The following UFL1 variants were observed in gnomAD, a reference collection of about 807,000 sequenced individuals.
The protein encoded by UFL1 is E3 UFM1-protein ligase 1.
A neutral mutation model predicts 99.3 loss-of-function variants in UFL1; 78 were observed. That is an observed-to-expected ratio of 0.79 (90% CI 0.65 to 0.95). UFL1 has a LOEUF of 0.95. UFL1 is among the 40% of genes least tolerant of loss of function. UFL1 has a pLI of 0.00. For synonymous variants in UFL1, 335 were observed against 322.2 expected (o/e 1.04, Z -0.42); for missense variants, 936 against 937.0 (o/e 1.00, Z 0.01).
Position 96,553,575 on chromosome 6 carries a change from T to G in UFL1, c.*72T>G. 3 of 1,355,300 alleles carry G rather than the reference T, an allele frequency of 2.2e-6. No individual in the cohort carries two copies. Among genetic ancestry groups the G allele is most frequent in the Non-Finnish European group, 3.1e-6 (3 of 980,830 alleles). 84.0% of individuals were successfully genotyped at this position (1,355,300 alleles called of 1,614,324 possible). On this transcript the variant is annotated 3_prime_UTR_variant, in exon 19 of 19. Coordinates refer to ENST00000369278, the MANE Select transcript of UFL1 (RefSeq NM_015323.5). ...TTGAAGGTGAGTGGTCACAAAAAAG[T>G]AGTCACTATACAACTCCCCTCTCCC...
intron 6 of UFL1, 142 bp from the exon 7 acceptor site, chr6:96,534,121 T>G (rs1475200052): frequency 2.3e-5 from 11 of 487,508 alleles, no homozygotes; most frequent in Non-Finnish European, 3.3e-6. Context: ...CAATTAAGGA[T>G]TTAAAATTTG....
At position 96,532,280 on chromosome 6, in the gene UFL1, G is replaced by A. The variant is rs144725797; in HGVS notation, c.597-1983G>A. Among the ~76,000 whole-genome samples, 468 of 152,292 alleles carry A rather than the reference G, an allele frequency of 3.1e-3. 1 individual carries two copies. The highest frequency in any genetic ancestry group is 0.011 in the African/African-American group (443 of 41,560). On this transcript the variant is annotated intron_variant, in intron 6 of 18. Coordinates refer to ENST00000369278, the MANE Select transcript of UFL1 (RefSeq NM_015323.5). ...CAAGGAGCCTTCTACATTTTTGTAA[G>A]GATGTGTTTGCGTAGAAGGGAACAA...
intron 4 of UFL1, 45 bp from the exon 5 acceptor site, chr6:96,526,276 C>T: frequency 2.0e-6 from 3 of 1,489,740 alleles, no homozygotes; most frequent in Non-Finnish European, 1.8e-6. Flanking sequence ...ACAGAAAAAA[C>T]ATTCCTAATT....
In UFL1 at chr6:96,544,476, G is replaced by A. The variant is rs139753113; in HGVS notation, c.1402+1460G>A. ...CTCTTTCACAGAATTCATTACATAC[G>A]GGCTATAGCTGGAAGATGTAGATAT... On this transcript the variant is annotated intron_variant, in intron 12 of 18. Transcript: ENST00000369278. Among the ~76,000 whole-genome samples the A allele has an allele frequency of 3.8e-3, 572 of 150,692 alleles. 3 individuals are homozygous for A. Among genetic ancestry groups the A allele is most frequent in the African/African-American group, 0.013 (531 of 41,276 alleles).
intron 12 of UFL1, among the ~76,000 whole-genome samples, chr6:96,543,610 G>A (rs1489819581): frequency 1.3e-5 from 2 of 151,082 alleles, no homozygotes; most frequent in Non-Finnish European, 3.0e-5. Flanking sequence ...AGAAAATGAG[G>A]AAAGTGGTTA....
intron 18 of UFL1, 142 bp from the exon 19 acceptor site, chr6:96,553,143 T>G (rs779030807): frequency 8.9e-5 from 60 of 675,400 alleles, no homozygotes; most frequent in Non-Finnish European, 1.1e-4. Flanking sequence ...GAGCAGAAAC[T>G]GCTAGATTAG....
intron 10 of UFL1, 27 bp from the exon 11 acceptor site, chr6:96,540,508 T>C (rs1189570814): frequency 6.3e-7 from 1 of 1,584,206 alleles, no homozygotes; most frequent in Admixed American, 1.9e-5. Context: ...GTGTTTTTCC[T>C]ACCAAAAAAA....
intron 7 of UFL1, among the ~76,000 whole-genome samples, 170 bp downstream of exon 7, chr6:96,534,491 A>G (rs1769826844): frequency 1.3e-5 from 2 of 151,668 alleles, no homozygotes; most frequent in Admixed American, 1.3e-4. Context: ...TATCTGTTAC[A>G]CTCACCAAAC....
rs776649649 is a variant in UFL1 at position 96,549,512 on chromosome 6, CAAG to C, written c.1628_1630del (p.Glu543del). 6.3e-6 allele frequency: 10 copies of C among 1,592,234 alleles called. No individual in the cohort carries two copies. The highest frequency in any genetic ancestry group is 4.1e-5 in the African/African-American group (3 of 73,072). On this transcript the variant is annotated inframe_deletion, in exon 14 of 19. Coordinates refer to ENST00000369278, the MANE Select transcript of UFL1 (RefSeq NM_015323.5). ...CAGAAAACGCACAATCAAGGACTTGCAAGAAGAAGTTTCAAACCTGTACAATAA... is the reference window on the plus strand; with the variant it reads ...CAGAAAACGCACAATCAAGGACTTGCAAGAAGTTTCAAACCTGTACAATAA...
rs1168443669 is a variant in UFL1 at position 96,553,353 on chromosome 6, G to A, written c.2235G>A (p.Lys745=). 1 of 1,613,810 alleles carries A rather than the reference G, an allele frequency of 6.2e-7. No individual in the cohort carries two copies. The highest frequency in any genetic ancestry group is 2.2e-5 in the East Asian group (1 of 44,828). ...VVKQLVSQSK[K]TGQGDYPLNN... ...AGCAGCTAGTCAGTCAAAGTAAGAA[G>A]ACTGGGCAGGGAGATTATCCCTTGA... Residue 745 remains lysine, a synonymous_variant, in exon 19 of 19, where the codon AAG becomes AAA. Transcript: ENST00000369278.
rs772207103 is a variant in UFL1, at chr6:96,523,309, G to GTTT, written c.223+27_223+29dup. 9 of 1,224,176 alleles carry GTTT rather than the reference G, an allele frequency of 7.4e-6. No homozygotes were observed. Among genetic ancestry groups the GTTT allele is most frequent in the African/African-American group, 3.2e-5 (2 of 63,160 alleles). The allele number at this position is 1,224,176 out of a possible 1,614,324, so 75.8% of individuals were successfully genotyped here. A position where few individuals can be genotyped will look rare whatever the true frequency, so the allele number is the denominator to read the frequency against. The stretch of plus-strand genomic sequence containing the variant: ...CCGAGGTGGTAGGTAATTCTTTAGT[G>GTTT]TTTTTTTTTTTCTTGGATTTTTGGA... On this transcript the variant is annotated intron_variant, in intron 2 of 18. Transcript: ENST00000369278.
intron 6 of UFL1, among the ~76,000 whole-genome samples, chr6:96,529,935 C>CT (rs1769757801): frequency 6.6e-6 from 1 of 152,056 alleles, no homozygotes; most frequent in African/African-American, 2.4e-5. Flanking sequence ...ACATGATGCT[C>CT]TATCACCACA....
chr6:96,536,987 A>G (rs543899232), intron 8 of UFL1, among the ~76,000 whole-genome samples: 9 of 149,342 alleles, frequency 6.0e-5, no homozygotes, highest in African/African-American at 2.2e-4. Context: ...TATATATATA[A>G]GATATATATA....
intron 12 of UFL1, among the ~76,000 whole-genome samples, chr6:96,545,425 T>G (rs780574432): frequency 6.6e-6 from 1 of 151,052 alleles, no homozygotes; most frequent in Non-Finnish European, 1.5e-5. Context: ...GACTATAGAC[T>G]TATTTTTGTG....
chr6:96,538,566 T>C (rs983815885), intron 9 of UFL1, 65 bp from the exon 10 acceptor site: 1 of 1,471,480 alleles, frequency 6.8e-7, no homozygotes, highest in East Asian at 2.4e-5. Flanking sequence ...TATATGTATA[T>C]AGCAAATGGT....
Position 96,553,617 on chromosome 6 carries a change from T to C in UFL1, c.*114T>C. On this transcript the variant is annotated 3_prime_UTR_variant, in exon 19 of 19. Coordinates refer to ENST00000369278, the MANE Select transcript of UFL1 (RefSeq NM_015323.5). The stretch of plus-strand genomic sequence containing the variant: ...CCCTCTCCCTGCAAAAACCACCTCA[T>C]ACACACACAATTCAGTTAAAACAGT... The C allele has an allele frequency of 1.4e-6, 1 of 717,734 alleles. No homozygotes were observed. 44.5% of individuals were successfully genotyped at this position (717,734 alleles called of 1,614,324 possible). A position where few individuals can be genotyped will look rare whatever the true frequency, so the allele number is the denominator to read the frequency against.
rs148633514 is a variant in UFL1 at position 96,526,044 on chromosome 6, C to A, written c.351-277C>A. 2.9e-3 allele frequency among the ~76,000 whole-genome samples: 445 copies of A among 151,424 alleles called. 3 individuals are homozygous for A. Among genetic ancestry groups the A allele is most frequent in the Middle Eastern group, 3.4e-3 (1 of 294 alleles). On this transcript the variant is annotated intron_variant, in intron 4 of 18. Transcript: ENST00000369278. ...AAGGCCACAGTGAGCCATAATCATGCCATTGCACTCCAGCCTGGGTGACAG... is the reference window on the plus strand; with the variant it reads ...AAGGCCACAGTGAGCCATAATCATGACATTGCACTCCAGCCTGGGTGACAG...
At chr6:96,544,753 T>G (rs1170925238) in intron 12 of UFL1, among the ~76,000 whole-genome samples, 1 of 151,056 alleles carries the variant, frequency 6.6e-6, no homozygotes, top group Non-Finnish European at 1.5e-5. Context: ...GTTGCCCAGG[T>G]GTACTAGGCA....
chr6:96,531,143 G>A (rs1175480866), intron 6 of UFL1, among the ~76,000 whole-genome samples: 1 of 152,194 alleles, frequency 6.6e-6, no homozygotes, highest in African/African-American at 2.4e-5. Context: ...GTTTCATCCT[G>A]AAACCATCCC....
Sources: allele counts gnomAD v4.1 joint callset (sites outside exome capture counted in the v4.1 genomes callset), GRCh38; gene constraint gnomAD v4.1.1; transcripts MANE v1.5; gene names NCBI Gene and HGNC (gene_info 2026-07-23, HGNC 2026-07-21).